GRIP2: variants seen among roughly 807,000 people sequenced by gnomAD.
The protein encoded by GRIP2 is glutamate receptor interacting protein 2.
Under a neutral mutation model 108.3 loss-of-function variants are expected in GRIP2, and 58 were observed. The ratio of observed to expected loss-of-function variants is 0.54; its 90% CI spans 0.43 to 0.67. The LOEUF (loss-of-function observed/expected upper bound fraction) is 0.67. Among genes scored for constraint, GRIP2 ranks in the 30% least tolerant of loss-of-function variants. The probability of loss-of-function intolerance (pLI) is 0.00; values close to 1 mark genes in which losing one functional copy is unlikely to be tolerated. For missense variants in GRIP2, 1,278 were observed against 1,430.6 expected (o/e 0.89, Z 1.72); for synonymous variants, 586 against 598.2 (o/e 0.98, Z 0.30).
At chr3:14,601,602 A>G in the GRIP2 span, among the ~76,000 whole-genome samples, 1 of 152,154 alleles carries the variant, frequency 6.6e-6, no homozygotes, top group Non-Finnish European at 1.5e-5. Flanking sequence ...GGCACTGGCT[A>G]AGGCTTAATG....
At chr3:14,573,399 A>G in the GRIP2 span, 11 of 1,336,492 alleles carry the variant, frequency 8.2e-6, no homozygotes, top group Non-Finnish European at 1.2e-5. Context: ...CTGGAAGCAG[A>G]TGGACACCAG....
intron 9 of GRIP2, 136 bp from the exon 10 acceptor site, chr3:14,518,033 T>A (rs986204414): frequency 3.8e-6 from 4 of 1,046,630 alleles, no homozygotes; most frequent in East Asian, 5.6e-5. Flanking sequence ...TCTGCTCACA[T>A]GTCCCGGACG....
chr3:14,553,721 C>A (rs1273599052), intron 1 of GRIP2, among the ~76,000 whole-genome samples: 1 of 152,200 alleles, frequency 6.6e-6, no homozygotes, highest in Non-Finnish European at 1.5e-5. Flanking sequence ...AAATGTTACC[C>A]AGGCATCTTT....
At chr3:14,574,650 G>C in the GRIP2 span, 26 of 660,330 alleles carry the variant, frequency 3.9e-5, no homozygotes, top group Non-Finnish European at 7.1e-5. Flanking sequence ...CATCTCATCA[G>C]GGAAATTCGT....
In GRIP2 at chr3:14,507,687, G is replaced by A. The variant is rs1693970098; in HGVS notation, c.2092C>T (p.His698Tyr). ...RGLAERTGAI[H>Y]VGDRILAINN... ...ATGGCCAGAATGCGGTCCCCCACGT[G>A]GATGGCACCAGTCCTGAGGAGTGGA... The change falls in exon 18 of 24, where the codon CAC becomes TAC. Residue 698 changes from histidine to tyrosine, a missense_variant. Transcript: ENST00000621039. The surrounding 1 kb of genome is among the most constrained non-coding windows in gnomAD (Gnocchi z 4.6). 1.2e-6 allele frequency: 2 copies of A among 1,613,850 alleles called. No individual in the cohort carries two copies. The highest frequency in any genetic ancestry group is 1.7e-6 in the Non-Finnish European group (2 of 1,179,876).
chr3:14,561,733 C>T, the GRIP2 span, among the ~76,000 whole-genome samples: 1 of 152,244 alleles, frequency 6.6e-6, no homozygotes, highest in African/African-American at 2.4e-5. Flanking sequence ...GCCTTTTCTT[C>T]CCCACGGGCC....
the GRIP2 span, among the ~76,000 whole-genome samples, chr3:14,600,560 G>A: frequency 2.6e-5 from 4 of 152,072 alleles, no homozygotes; most frequent in South Asian, 2.1e-4. Flanking sequence ...CATCCCTCCC[G>A]CTGGCTGGGG....
At chr3:14,577,349 G>A in the GRIP2 span, among the ~76,000 whole-genome samples, 1 of 152,210 alleles carries the variant, frequency 6.6e-6, no homozygotes, top group Non-Finnish European at 1.5e-5. Flanking sequence ...ACAACCAAGA[G>A]AAAGAGATCC....
At chr3:14,572,329 C>A in the GRIP2 span, among the ~76,000 whole-genome samples, 3 of 152,016 alleles carry the variant, frequency 2.0e-5, no homozygotes, top group East Asian at 5.8e-4. Context: ...AAGACACAAG[C>A]TAGGCCGGGC....
At chr3:14,520,674 C>T in intron 7 of GRIP2, 137 bp from the exon 8 acceptor site, 1 of 839,762 alleles carries the variant, frequency 1.2e-6, no homozygotes, top group Admixed American at 2.8e-5. Flanking sequence ...ATTTTTTATT[C>T]CTTTTCTTTC....
At chr3:14,517,346 G>T (rs1307357362) in intron 10 of GRIP2, 133 bp from the exon 11 acceptor site, 7 of 914,706 alleles carry the variant, frequency 7.7e-6, no homozygotes, top group African/African-American at 5.2e-5. Context: ...GTTACTCATT[G>T]TGTGACCTCA....
chr3:14,525,734 G>A (rs1228692126), intron 2 of GRIP2, 117 bp downstream of exon 2: 3 of 1,309,356 alleles, frequency 2.3e-6, no homozygotes, highest in Non-Finnish European at 3.2e-6. Context: ...GAGAGGTTAA[G>A]TGGCTGGTCT....
upstream of GRIP2, among the ~76,000 whole-genome samples, chr3:14,545,665 A>G (rs1695047100): frequency 6.6e-6 from 1 of 152,182 alleles, no homozygotes; most frequent in South Asian, 2.1e-4. Flanking sequence ...TTCCTCCTCT[A>G]AAATGTGGAT....
At chr3:14,547,425 C>T (rs746422733) in intron 1 of GRIP2, among the ~76,000 whole-genome samples, 94 of 152,230 alleles carry the variant, frequency 6.2e-4, no homozygotes, top group Non-Finnish European at 1.0e-3. Flanking sequence ...AGAGCCAGAT[C>T]TGGCGCTGGG....
Position 14,493,470 on chromosome 3 carries a change from A to T in GRIP2, c.*195T>A. The stretch of plus-strand genomic sequence containing the variant: ...GCGAGAGACCCCAGCTGTCACTCCA[A>T]CTAGGGCAGGACCTCCCTGCCTGGC... On this transcript the variant is annotated 3_prime_UTR_variant, in exon 24 of 24. Coordinates refer to ENST00000621039, the MANE Select transcript of GRIP2 (RefSeq NM_001080423.4). 1.5e-6 allele frequency: 1 copy of T among 651,246 alleles called. No homozygotes were observed. The highest frequency in any genetic ancestry group is 2.5e-6 in the Non-Finnish European group (1 of 401,314). The allele number at this position is 651,246 out of a possible 1,614,324, so 40.3% of individuals were successfully genotyped here.
chr3:14,591,213 T>C, the GRIP2 span, among the ~76,000 whole-genome samples: 1 of 152,222 alleles, frequency 6.6e-6, no homozygotes, highest in Non-Finnish European at 1.5e-5. Context: ...CCAGATCAAA[T>C]GTCAACTCCA....
intron 1 of GRIP2, among the ~76,000 whole-genome samples, chr3:14,548,977 C>T (rs1695100502): frequency 6.6e-6 from 1 of 152,190 alleles, no homozygotes; most frequent in Admixed American, 6.5e-5. Context: ...TGGGGTGTGT[C>T]TCCTTTACCT....
At position 14,514,450 on chromosome 3, in the gene GRIP2, C is replaced by T. The variant is rs527298161; in HGVS notation, c.1335G>A (p.Pro445=). Residue 445 remains proline (P), a synonymous_variant, in exon 12 of 24, where the codon CCG becomes CCA. Transcript: ENST00000621039. The part of the protein sequence containing the change: ...SLSLASSTVG[P]GGQIVHTETT... ...TCTCCGTGTGCACAATCTGCCCGCC[C>T]GGCCCCACCGTGCTGGAGGCTAGCG... 6.3e-6 allele frequency: 10 copies of T among 1,576,914 alleles called. No homozygotes were observed. Among genetic ancestry groups the T allele is most frequent in the Non-Finnish European group, 6.9e-6 (8 of 1,162,978 alleles).
rs377431515 is a variant in GRIP2 at position 14,547,974 on chromosome 3, C to CTACA, written c.55+7922_55+7925dup. On this transcript the variant is annotated intron_variant, in intron 1 of 23. Transcript: ENST00000637182. ...ATGTCAGTATCTCTTATAAAAGGGA[C>CTACA]TACATCCAAAGAGGATCTGCCACAA... Among the ~76,000 whole-genome samples, 307 of 152,314 alleles carry CTACA rather than the reference C, an allele frequency of 2.0e-3. 1 individual carries two copies. The highest frequency in any genetic ancestry group is 7.0e-3 in the African/African-American group (289 of 41,582).
Sources: gnomAD v4.1 joint callset for allele counts (sites outside exome capture counted in the v4.1 genomes callset) on GRCh38, gnomAD v4.1.1 for gene constraint, Gnocchi (gnomAD v3.1) non-coding constraint, MANE v1.5 for transcripts, NCBI Gene and HGNC (gene_info 2026-07-23, HGNC 2026-07-21) for gene names.